The following RAP1A variants were observed in gnomAD, a reference collection of about 807,000 sequenced individuals.
The protein encoded by RAP1A is RAP1A, member of RAS oncogene family, also known as ras-related protein Rap-1A.
RAP1A carries 6 observed loss-of-function variants against 26.4 expected under a neutral mutation model. That is an observed-to-expected ratio of 0.23 (90% confidence interval 0.12 to 0.45). The LOEUF (loss-of-function observed/expected upper bound fraction) is 0.45. RAP1A is among the 20% of genes least tolerant of loss of function. RAP1A has a pLI of 0.99. For synonymous variants in RAP1A, 73 were observed against 79.4 expected (o/e 0.92, Z 0.43); for missense variants, 121 against 217.2 (o/e 0.56, Z 2.78).
At chr1:111,563,928 T>C (rs373492775) in intron 1 of RAP1A, 89 of 1,613,786 alleles carry the variant, frequency 5.5e-5, no homozygotes, top group Non-Finnish European at 7.0e-5. Flanking sequence ...TTCTGCTCAA[T>C]GGGTCCTGCT....
chr1:111,695,536 A>G (rs1005495121), intron 3 of RAP1A, 127 bp downstream of exon 3: 4 of 597,992 alleles, frequency 6.7e-6, no homozygotes, highest in Non-Finnish European at 8.1e-6. Flanking sequence ...CTGTTTTTAA[A>G]AGTTTCATCA....
At chr1:111,553,434 T>A (rs1300599323) in intron 1 of RAP1A, among the ~76,000 whole-genome samples, 2 of 152,098 alleles carry the variant, frequency 1.3e-5, no homozygotes, top group African/African-American at 4.8e-5. Flanking sequence ...CGTTTGTCTC[T>A]GACTCAGGAG....
At chr1:111,577,748 A>G (rs762721019) in intron 1 of RAP1A, among the ~76,000 whole-genome samples, 1 of 152,218 alleles carries the variant, frequency 6.6e-6, no homozygotes, top group Non-Finnish European at 1.5e-5. Flanking sequence ...AAGCATATAA[A>G]GTGATTGGCT....
At chr1:111,564,512 C>CTT (rs577908974) in intron 1 of RAP1A, among the ~76,000 whole-genome samples, 1,487 of 119,930 alleles carry the variant, frequency 0.012, 31 homozygotes, top group African/African-American at 0.044. Context: ...GACCCCAACT[C>CTT]TTTTTTTTTT....
At chr1:111,560,240 A>G (rs1657677072) in intron 1 of RAP1A, among the ~76,000 whole-genome samples, 1 of 152,168 alleles carries the variant, frequency 6.6e-6, no homozygotes, top group Non-Finnish European at 1.5e-5. Flanking sequence ...TACAATCTTT[A>G]GAGCTGAACT....
chr1:111,629,165 T>C lies in RAP1A; in HGVS notation c.-28+9231T>C, dbSNP rs145142103. On this transcript the variant is annotated intron_variant, in intron 1 of 7. Transcript: ENST00000369709. ...GAGAAGTGAAATACAGACTTCTTGTTTGTTAAGCAGCTTCTAAGTAAAATA... is the reference window on the plus strand; with the variant it reads ...GAGAAGTGAAATACAGACTTCTTGTCTGTTAAGCAGCTTCTAAGTAAAATA... Among the ~76,000 whole-genome samples the C allele has an allele frequency of 4.3e-4, 66 of 152,280 alleles. No individual in the cohort carries two copies. In the East Asian group the frequency reaches 6.4e-3, roughly 15 times the overall value.
intron 1 of RAP1A, among the ~76,000 whole-genome samples, chr1:111,630,472 A>G (rs1571510360): frequency 6.6e-6 from 1 of 152,316 alleles, no homozygotes; most frequent in South Asian, 2.1e-4. Context: ...TTTTTATACC[A>G]CTGAAGGGTT....
chr1:111,657,266 G>A (rs1334884214), intron 1 of RAP1A, among the ~76,000 whole-genome samples: 1 of 152,176 alleles, frequency 6.6e-6, no homozygotes, highest in Non-Finnish European at 1.5e-5. Context: ...CAAAATAGTA[G>A]TCAAAACTTT....
At chr1:111,664,236 T>C (rs1293089831) in intron 1 of RAP1A, among the ~76,000 whole-genome samples, 2 of 151,984 alleles carry the variant, frequency 1.3e-5, no homozygotes, top group Admixed American at 1.3e-4. Flanking sequence ...TATCCGGGCA[T>C]GGTGGCACAT....
intron 4 of RAP1A, among the ~76,000 whole-genome samples, chr1:111,700,331 C>T (rs548154908): frequency 1.3e-5 from 2 of 152,322 alleles, no homozygotes; most frequent in South Asian, 4.1e-4. Context: ...CCAGCATCTG[C>T]TTCTGGTGAA....
intron 1 of RAP1A, among the ~76,000 whole-genome samples, chr1:111,648,018 C>A (rs1332212177): frequency 6.6e-6 from 1 of 152,010 alleles, no homozygotes; most frequent in Non-Finnish European, 1.5e-5. Context: ...TTTCTTAGTT[C>A]AAATCTAGGT....
intron 1 of RAP1A, among the ~76,000 whole-genome samples, chr1:111,582,517 C>T (rs1048303270): frequency 3.3e-5 from 5 of 152,080 alleles, no homozygotes; most frequent in Admixed American, 2.0e-4. Context: ...ACAGCAAAAA[C>T]GAGCTATGTA....
intron 1 of RAP1A, among the ~76,000 whole-genome samples, chr1:111,568,865 G>A (rs1657980620): frequency 1.3e-5 from 2 of 152,042 alleles, no homozygotes. Context: ...AAGATGAGGA[G>A]GATAAAGGCC....
At chr1:111,666,543 T>C (rs949426164) in intron 1 of RAP1A, among the ~76,000 whole-genome samples, 1 of 152,164 alleles carries the variant, frequency 6.6e-6, no homozygotes, top group African/African-American at 2.4e-5. Context: ...AAAAATAGAA[T>C]GTAAATTAGG....
At chr1:111,708,607 C>T (rs1662274194) in intron 6 of RAP1A, among the ~76,000 whole-genome samples, 2 of 152,156 alleles carry the variant, frequency 1.3e-5, no homozygotes, top group South Asian at 2.1e-4. Flanking sequence ...GGAATTTGCT[C>T]TGTAGTTATA....
At chr1:111,594,661 A>G (rs573354372) in intron 1 of RAP1A, among the ~76,000 whole-genome samples, 1 of 152,326 alleles carries the variant, frequency 6.6e-6, no homozygotes, top group Admixed American at 6.5e-5. Context: ...AAGACTTGAT[A>G]AAGGTGAACT....
chr1:111,555,224 A>C (rs959497827), intron 1 of RAP1A, among the ~76,000 whole-genome samples: 1 of 151,688 alleles, frequency 6.6e-6, no homozygotes, highest in African/African-American at 2.4e-5. Context: ...AAACTAGCTG[A>C]GTGTGGTGGT....
intron 1 of RAP1A, among the ~76,000 whole-genome samples, chr1:111,690,557 TCA>T (rs1419305568): frequency 6.6e-6 from 1 of 152,242 alleles, no homozygotes; most frequent in Non-Finnish European, 1.5e-5. Flanking sequence ...ATCTCAGAAA[TCA>T]CAGTCCTACA....
chr1:111,663,665 G>C (rs1258535225), intron 1 of RAP1A, among the ~76,000 whole-genome samples: 4 of 152,136 alleles, frequency 2.6e-5, no homozygotes, highest in Non-Finnish European at 5.9e-5. Context: ...CGAATATAGT[G>C]GAAAAGGTCT....
Sources: allele counts gnomAD v4.1 joint callset (sites outside exome capture counted in the v4.1 genomes callset), GRCh38; gene constraint gnomAD v4.1.1; transcripts MANE v1.5; gene names NCBI Gene and HGNC (gene_info 2026-07-23, HGNC 2026-07-21).